SLC35F4: variants seen among roughly 807,000 people sequenced by gnomAD.
SLC35F4 encodes chromosome 14 open reading frame 36.
Under a neutral mutation model 44.2 loss-of-function variants are expected in SLC35F4, and 24 were observed. The ratio of observed to expected loss-of-function variants is 0.54; its 90% CI spans 0.39 to 0.76. SLC35F4 has a LOEUF of 0.76. Ranked by LOEUF, SLC35F4 falls within the 30% of genes least tolerant of loss-of-function variation. SLC35F4 has a pLI of 0.00. For synonymous variants in SLC35F4, 238 were observed against 223.6 expected (o/e 1.06, Z -0.57); for missense variants, 562 against 586.1 (o/e 0.96, Z 0.42).
chr14:57,709,946 A>C (rs1377286428), intron 1 of SLC35F4, among the ~76,000 whole-genome samples: 1 of 152,232 alleles, frequency 6.6e-6, no homozygotes, highest in Admixed American at 6.5e-5. Context: ...CGAAAAACCC[A>C]TGTTCTGAGG....
rs371961171 is a variant in SLC35F4 at position 57,719,201 on chromosome 14, G to A, written c.104-125077C>T. ...TTCTGCTTCATTGGTTTGTGTGTCT[G>A]TTTTTATGCCAGTACCATGCTGTTT... On this transcript the variant is annotated intron_variant, in intron 1 of 7. Coordinates refer to ENST00000556826, the MANE Select transcript of SLC35F4 (RefSeq NM_001306087.2). Among the ~76,000 whole-genome samples the A allele has an allele frequency of 8.9e-4, 136 of 152,248 alleles. 3 individuals are homozygous for A. The South Asian group carries it at 0.026, about 29-fold the overall frequency.
intron 1 of SLC35F4, among the ~76,000 whole-genome samples, chr14:57,878,058 T>C (rs1888439149): frequency 6.6e-6 from 1 of 152,138 alleles, no homozygotes; most frequent in Admixed American, 6.6e-5. Context: ...TTTGCATTTT[T>C]CTAATGATTA....
At chr14:57,689,727 G>C (rs563222591) in intron 1 of SLC35F4, among the ~76,000 whole-genome samples, 1 of 139,024 alleles carries the variant, frequency 7.2e-6, no homozygotes, top group Non-Finnish European at 1.6e-5. Context: ...TCACACACCG[G>C]GGCCTGTTGT....
At chr14:57,605,831 AC>A (rs2071130157) in intron 1 of SLC35F4, among the ~76,000 whole-genome samples, 1 of 152,168 alleles carries the variant, frequency 6.6e-6, no homozygotes, top group Admixed American at 6.5e-5. Context: ...ACAACTGAAA[AC>A]CATTATCCTA....
chr14:57,867,428 G>A (rs1331308022), upstream of SLC35F4, among the ~76,000 whole-genome samples: 2 of 152,242 alleles, frequency 1.3e-5, no homozygotes, highest in South Asian at 2.1e-4. Context: ...TATTGTGGCT[G>A]GAAGGAGAGT....
intron 1 of SLC35F4, among the ~76,000 whole-genome samples, chr14:57,617,049 G>A: frequency 6.6e-6 from 1 of 151,010 alleles, no homozygotes. Flanking sequence ...GCTTTCGGAT[G>A]ATGATTTATA....
intron 1 of SLC35F4, among the ~76,000 whole-genome samples, chr14:57,735,459 G>T (rs2076439604): frequency 6.6e-6 from 1 of 152,146 alleles, no homozygotes; most frequent in South Asian, 2.1e-4. Context: ...AGGGCCAGAA[G>T]GTTCCAGATG....
chr14:57,663,644 G>A (rs532166052), intron 1 of SLC35F4, among the ~76,000 whole-genome samples: 90 of 152,194 alleles, frequency 5.9e-4, no homozygotes, highest in African/African-American at 2.0e-3. Flanking sequence ...ACACGTTTTG[G>A]ACAAGCATCA....
At chr14:57,843,780 T>C (rs569817549) in intron 1 of SLC35F4, among the ~76,000 whole-genome samples, 2 of 152,318 alleles carry the variant, frequency 1.3e-5, no homozygotes, top group South Asian at 2.1e-4. Flanking sequence ...TAATATGATG[T>C]TCCTGTAGCA....
intron 1 of SLC35F4, among the ~76,000 whole-genome samples, chr14:57,746,983 A>T (rs566861735): frequency 6.6e-6 from 1 of 152,314 alleles, no homozygotes; most frequent in Admixed American, 6.5e-5. Context: ...CCTGGAAGAA[A>T]TCCTAAGCAC....
At chr14:57,684,372 G>A (rs1478788996) in intron 1 of SLC35F4, among the ~76,000 whole-genome samples, 1 of 152,166 alleles carries the variant, frequency 6.6e-6, no homozygotes, top group Admixed American at 6.5e-5. Context: ...ACAATGGGGT[G>A]AAGGGATGGC....
chr14:57,586,844 A>G (rs1277498788), intron 3 of SLC35F4, among the ~76,000 whole-genome samples: 3 of 151,906 alleles, frequency 2.0e-5, no homozygotes, highest in African/African-American at 7.2e-5. Context: ...AGCAAAAGAA[A>G]CTATCATCAG....
At chr14:57,658,449 A>C (rs981327217) in intron 1 of SLC35F4, among the ~76,000 whole-genome samples, 1 of 152,178 alleles carries the variant, frequency 6.6e-6, no homozygotes, top group East Asian at 1.9e-4. Flanking sequence ...TCTACAATAA[A>C]TTTCTTTCCA....
At chr14:57,753,535 C>T (rs574475034) in intron 1 of SLC35F4, among the ~76,000 whole-genome samples, 17 of 152,164 alleles carry the variant, frequency 1.1e-4, no homozygotes, top group Non-Finnish European at 1.9e-4. Flanking sequence ...GCACAAGCTG[C>T]TTTCTCAGGC....
At chr14:57,846,212 G>C (rs184093448) in intron 1 of SLC35F4, among the ~76,000 whole-genome samples, 1 of 152,072 alleles carries the variant, frequency 6.6e-6, no homozygotes, top group Non-Finnish European at 1.5e-5. Flanking sequence ...CAAAAGAAGG[G>C]AGTAACATGA....
At chr14:57,818,938 G>C (rs1882887088) in intron 1 of SLC35F4, among the ~76,000 whole-genome samples, 1 of 152,172 alleles carries the variant, frequency 6.6e-6, no homozygotes, top group African/African-American at 2.4e-5. Flanking sequence ...CACATTGAAT[G>C]ATACAGCATT....
chr14:57,576,359 C>T (rs1438156807), intron 4 of SLC35F4, among the ~76,000 whole-genome samples: 1 of 152,122 alleles, frequency 6.6e-6, no homozygotes, highest in East Asian at 1.9e-4. Flanking sequence ...CCTACAGCAG[C>T]CCCTAAAAAT....
chr14:57,831,433 C>T (rs1884359883), intron 1 of SLC35F4, among the ~76,000 whole-genome samples: 3 of 152,262 alleles, frequency 2.0e-5, no homozygotes, highest in South Asian at 2.1e-4. Context: ...CAGTGATAGA[C>T]GCAGGCATAC....
At chr14:57,775,034 C>T (rs942616308) in intron 1 of SLC35F4, among the ~76,000 whole-genome samples, 20 of 152,048 alleles carry the variant, frequency 1.3e-4, no homozygotes, top group African/African-American at 4.1e-4. Flanking sequence ...AGTGGCCACA[C>T]TGCCACTAGT....
Sources: gnomAD v4.1 joint callset for allele counts (sites outside exome capture counted in the v4.1 genomes callset) on GRCh38, gnomAD v4.1.1 for gene constraint, MANE v1.5 for transcripts, NCBI Gene and HGNC (gene_info 2026-07-23, HGNC 2026-07-21) for gene names.